ZNF407: variants seen among roughly 807,000 people sequenced by gnomAD.
ZNF407 encodes zinc finger protein 407.
ZNF407 carries 17 observed loss-of-function variants against 131.2 expected under a neutral mutation model. The ratio of observed to expected loss-of-function variants is 0.13; its 90% CI spans 0.09 to 0.19. The LOEUF is 0.19. Ranked by LOEUF, ZNF407 falls within the 10% of genes least tolerant of loss-of-function variation. ZNF407 has a pLI of 1.00. For missense variants in ZNF407, 2,681 were observed against 2,830.6 expected (o/e 0.95, Z 1.20); for synonymous variants, 1,156 against 1,062.0 (o/e 1.09, Z -1.72).
chr18:74,983,294 G>A (rs1361674238), intron 8 of ZNF407, among the ~76,000 whole-genome samples: 1 of 152,094 alleles, frequency 6.6e-6, no homozygotes, highest in Non-Finnish European at 1.5e-5. Context: ...TTCTCACTTG[G>A]GGGTATGGCC....
intron 7 of ZNF407, among the ~76,000 whole-genome samples, chr18:74,910,495 T>C (rs1309976584): frequency 6.6e-6 from 1 of 152,154 alleles, no homozygotes; most frequent in African/African-American, 2.4e-5. Flanking sequence ...TCTATTTAAG[T>C]ATATATGACT....
intron 4 of ZNF407, among the ~76,000 whole-genome samples, chr18:74,838,839 A>T (rs985990792): frequency 6.6e-6 from 1 of 152,194 alleles, no homozygotes; most frequent in Non-Finnish European, 1.5e-5. Context: ...GAGATCTTTT[A>T]GATGCTTTTA....
intron 7 of ZNF407, among the ~76,000 whole-genome samples, chr18:74,906,709 C>T (rs950545424): frequency 3.3e-5 from 5 of 151,970 alleles, no homozygotes; most frequent in Admixed American, 2.0e-4. Flanking sequence ...TACATTTTAT[C>T]TGTATATGTA....
Position 74,804,024 on chromosome 18 carries a change from G to A in ZNF407, c.4877+22522G>A, listed in dbSNP as rs147200002. On this transcript the variant is annotated intron_variant, in intron 4 of 8. Coordinates refer to ENST00000299687, the MANE Select transcript of ZNF407 (RefSeq NM_017757.3). ...CAGGAATACAGAACAACAGGAACGC[G>A]TCGAGTGCCTCTGAAGCCCAAAGTC... The A allele has an allele frequency of 6.5e-4, 1,015 of 1,551,738 alleles. 4 individuals are homozygous for A. In the African/African-American group the frequency reaches 0.011, roughly 17 times the overall value.
chr18:74,754,504 C>T (rs1410186883), intron 3 of ZNF407, among the ~76,000 whole-genome samples: 1 of 152,220 alleles, frequency 6.6e-6, no homozygotes, highest in Non-Finnish European at 1.5e-5. Context: ...AAATTTCCCT[C>T]TACACACTGC....
chr18:74,786,496 C>T (rs1969714972), intron 4 of ZNF407, among the ~76,000 whole-genome samples: 1 of 151,316 alleles, frequency 6.6e-6, no homozygotes, highest in African/African-American at 2.4e-5. Context: ...CCCATGATGG[C>T]CAATTTAGGA....
At chr18:74,639,547 A>G (rs1402571226) in intron 2 of ZNF407, among the ~76,000 whole-genome samples, 2 of 152,224 alleles carry the variant, frequency 1.3e-5, no homozygotes, top group Non-Finnish European at 2.9e-5. Context: ...GACTGATAGA[A>G]TGTGATTGCT....
At chr18:74,712,428 C>G (rs1350523125) in intron 3 of ZNF407, among the ~76,000 whole-genome samples, 1 of 152,190 alleles carries the variant, frequency 6.6e-6, no homozygotes, top group Non-Finnish European at 1.5e-5. Flanking sequence ...ATGGTTTAGG[C>G]TGTGGTTTAG....
chr18:75,060,143 C>T (rs749801738), intron 8 of ZNF407: 4 of 152,296 alleles, frequency 2.6e-5, no homozygotes, highest in African/African-American at 4.8e-5. Flanking sequence ...GTGCCTGCTA[C>T]CCGAAGCACA....
chr18:75,022,446 A>G (rs1193248431), intron 8 of ZNF407, among the ~76,000 whole-genome samples: 3 of 152,200 alleles, frequency 2.0e-5, no homozygotes, highest in African/African-American at 7.2e-5. Context: ...CACTCCTCAG[A>G]CAGAGCTGGG....
At chr18:74,623,685 T>C (rs1983664562) in intron 1 of ZNF407, among the ~76,000 whole-genome samples, 1 of 152,062 alleles carries the variant, frequency 6.6e-6, no homozygotes, top group Non-Finnish European at 1.5e-5. Flanking sequence ...TCTCAAAAAG[T>C]ATTTTAATTT....
chr18:74,746,745 A>G (rs1019775944), intron 3 of ZNF407, among the ~76,000 whole-genome samples: 5 of 151,970 alleles, frequency 3.3e-5, no homozygotes, highest in Non-Finnish European at 4.4e-5. Context: ...TTCTTCTGGA[A>G]GGCTTTCTGA....
chr18:74,803,757 AC>A lies in ZNF407; in HGVS notation c.4877+22257del, dbSNP rs1413620457. Among the ~76,000 whole-genome samples, 5 of 152,304 alleles carry A rather than the reference AC, an allele frequency of 3.3e-5. No individual in the cohort carries two copies. In the East Asian group the frequency reaches 9.6e-4, roughly 29 times the overall value. On this transcript the variant is annotated intron_variant, in intron 4 of 8. Coordinates refer to ENST00000299687, the MANE Select transcript of ZNF407 (RefSeq NM_017757.3). ...TTGGTCACATTTATATGTTTTACAA[AC>A]CAGGGAAGCTGTGTTGTGTTACCTT... is the stretch of plus-strand genomic sequence containing the variant.
rs1041132254 is a variant in ZNF407, at chr18:74,632,128, G to A, written c.1109G>A (p.Gly370Asp). The A allele has an allele frequency of 6.2e-7, 1 of 1,613,810 alleles. No individual in the cohort carries two copies. ...EIVEEHVTSL[G>D]LAQNPENQSR... ...GTTGAAGAACATGTTACTTCCCTTG[G>A]TCTAGCTCAGAATCCTGAAAACCAG... is the stretch of plus-strand genomic sequence containing the variant. Residue 370 changes from glycine to aspartate, a missense_variant, in exon 2 of 9, where the codon GGT (glycine) becomes GAT (aspartate). Transcript: ENST00000299687.
intron 8 of ZNF407, among the ~76,000 whole-genome samples, chr18:75,056,490 G>A (rs941249002): frequency 6.6e-6 from 1 of 152,134 alleles, no homozygotes; most frequent in African/African-American, 2.4e-5. Context: ...TGATCCTAGC[G>A]AAGTCCCTAA....
chr18:74,725,014 G>T (rs1170091038), intron 3 of ZNF407, among the ~76,000 whole-genome samples: 1 of 152,130 alleles, frequency 6.6e-6, no homozygotes, highest in Non-Finnish European at 1.5e-5. Context: ...TCGATGTGTG[G>T]GAACTCTCAC....
At chr18:74,894,748 A>G (rs1971430454) in intron 7 of ZNF407, among the ~76,000 whole-genome samples, 1 of 152,160 alleles carries the variant, frequency 6.6e-6, no homozygotes. Context: ...ATTAAGGATA[A>G]CCCTACATTG....
chr18:74,600,839 C>T (rs138626095), intron 1 of ZNF407, among the ~76,000 whole-genome samples: 1 of 152,302 alleles, frequency 6.6e-6, no homozygotes, highest in Admixed American at 6.5e-5. Context: ...TGGAGAGGCC[C>T]TCTTGAAGAA....
At chr18:74,637,952 A>G (rs1004121178) in intron 2 of ZNF407, among the ~76,000 whole-genome samples, 4 of 152,202 alleles carry the variant, frequency 2.6e-5, no homozygotes, top group African/African-American at 9.6e-5. Context: ...AGTAATCAAC[A>G]TGACCAGAAA....
Sources: gnomAD v4.1 joint callset for allele counts (sites outside exome capture counted in the v4.1 genomes callset) on GRCh38, gnomAD v4.1.1 for gene constraint, MANE v1.5 for transcripts, NCBI Gene and HGNC (gene_info 2026-07-23, HGNC 2026-07-21) for gene names.